Variants in ADGRL3 observed in about 807,000 individuals in gnomAD.
ADGRL3 encodes adhesion G protein-coupled receptor L3, also known as calcium-independent alpha-latrotoxin receptor 3.
Under a neutral mutation model 153.5 loss-of-function variants are expected in ADGRL3, and 62 were observed. The observed-to-expected ratio is 0.40, with a 90% CI of 0.33 to 0.50. The LOEUF is 0.50. ADGRL3 is among the 20% of genes least tolerant of loss of function. ADGRL3 has a pLI of 0.47. For synonymous variants in ADGRL3, 710 were observed against 672.5 expected, an observed-to-expected ratio of 1.06 and a Z score of -0.86; for missense variants, 1,641 against 1,859.4, an observed-to-expected ratio of 0.88 and a Z score of 2.16.
intron 1 of ADGRL3, among the ~76,000 whole-genome samples, chr4:61,342,825 A>G (rs968173121): frequency 2.0e-5 from 3 of 152,184 alleles, no homozygotes; most frequent in Admixed American, 1.3e-4. Context: ...CCACTCTGCC[A>G]TGATTTTCCT....
At chr4:61,344,205 AAAG>A (rs1404208916) in intron 1 of ADGRL3, among the ~76,000 whole-genome samples, 2 of 152,224 alleles carry the variant, frequency 1.3e-5, no homozygotes, top group Non-Finnish European at 1.5e-5. Context: ...GCTCAGTGAA[AAAG>A]AAGATTTCTT....
At chr4:61,869,583 C>A (rs542355688) in intron 9 of ADGRL3, among the ~76,000 whole-genome samples, 1 of 151,528 alleles carries the variant, frequency 6.6e-6, no homozygotes, top group East Asian at 2.0e-4. Flanking sequence ...CTGGCCTGGG[C>A]GACAGAGCGA....
intron 2 of ADGRL3, among the ~76,000 whole-genome samples, chr4:61,415,355 G>T (rs984852819): frequency 5.3e-5 from 8 of 151,924 alleles, no homozygotes; most frequent in Non-Finnish European, 1.2e-4. Context: ...ATTTTAGGAG[G>T]ATTTGTTTTC....
chr4:61,623,793 G>A (rs911324638), intron 5 of ADGRL3, among the ~76,000 whole-genome samples: 44 of 152,080 alleles, frequency 2.9e-4, no homozygotes, highest in Admixed American at 1.6e-3. Context: ...AAAGCTAACC[G>A]TGTTACATAA....
intron 1 of ADGRL3, among the ~76,000 whole-genome samples, chr4:61,333,559 C>A (rs17466134): frequency 0.69 from 104,160 of 151,936 alleles, 36,620 homozygotes; most frequent in East Asian, 0.96. Context: ...ATTACCAAAC[C>A]CTTTATAATA....
chr4:61,227,315 C>G (rs1748440735), intron 1 of ADGRL3, among the ~76,000 whole-genome samples: 1 of 152,118 alleles, frequency 6.6e-6, no homozygotes, highest in Non-Finnish European at 1.5e-5. Flanking sequence ...AAGCAATTCT[C>G]CCACCTCAGC....
Position 62,070,744 on chromosome 4 carries a change from A to T in ADGRL3, c.4468A>T (p.Lys1490Ter), listed in dbSNP as rs1293140886. The T allele has an allele frequency of 6.4e-7, 1 of 1,551,610 alleles. No homozygotes were observed. The highest frequency in any genetic ancestry group is 8.7e-7 in the Non-Finnish European group (1 of 1,146,966). Reference protein sequence around the residue: ...KCGDAEDVYYKSMPNLGSRNH... With the variant: ...KCGDAEDVYY ...TGGTGATGCCGAAGATGTTTACTAC[A>T]AAAGCATGCCAAACCTAGGCTCCAG... Residue 1490 changes from lysine to a stop codon, truncating the protein, a stop_gained, in exon 27 of 27, where the codon AAA becomes TAA. Transcript: ENST00000683033. LOFTEE classifies it high-confidence loss of function.
chr4:61,289,295 T>C (rs2094075818), intron 1 of ADGRL3, among the ~76,000 whole-genome samples: 1 of 152,046 alleles, frequency 6.6e-6, no homozygotes, highest in African/African-American at 2.4e-5. Context: ...TATTAGCCTT[T>C]CCTCTGAGTA....
intron 9 of ADGRL3, among the ~76,000 whole-genome samples, chr4:61,829,060 G>A (rs1417326995): frequency 6.6e-6 from 1 of 152,188 alleles, no homozygotes; most frequent in Non-Finnish European, 1.5e-5. Context: ...TAATAAACAT[G>A]TGTGGTACTT....
intron 6 of ADGRL3, among the ~76,000 whole-genome samples, chr4:61,728,118 ATT>A (rs1406724620): frequency 1.3e-5 from 2 of 152,064 alleles, no homozygotes; most frequent in African/African-American, 4.8e-5. Context: ...TGGGAATATG[ATT>A]TGTGTGCGCT....
intron 12 of ADGRL3, among the ~76,000 whole-genome samples, chr4:61,912,240 G>A (rs1049938226): frequency 2.6e-5 from 4 of 152,024 alleles, no homozygotes; most frequent in Admixed American, 1.3e-4. Context: ...AGAAGTTTTT[G>A]TATATATGAA....
At chr4:61,258,402 G>A (rs190259666) in intron 1 of ADGRL3, among the ~76,000 whole-genome samples, 1 of 152,266 alleles carries the variant, frequency 6.6e-6, no homozygotes, top group Admixed American at 6.5e-5. Context: ...GGTTCATGAA[G>A]CCTTAGGGCC....
intron 2 of ADGRL3, among the ~76,000 whole-genome samples, chr4:61,390,011 A>C (rs2096784126): frequency 1.3e-5 from 2 of 152,234 alleles, no homozygotes; most frequent in Non-Finnish European, 2.9e-5. Flanking sequence ...CAAAAATAAA[A>C]TTCATTTTTA....
intron 1 of ADGRL3, among the ~76,000 whole-genome samples, chr4:61,268,909 T>C (rs1194468399): frequency 2.6e-5 from 4 of 151,624 alleles, no homozygotes; most frequent in African/African-American, 9.7e-5. Context: ...AGTAATTGCG[T>C]CAACTCATTC....
rs754161693 is a variant in ADGRL3, at chr4:61,375,570, G to A, written c.-239-7554G>A. Among the ~76,000 whole-genome samples the A allele has an allele frequency of 1.3e-3, 197 of 152,214 alleles. 4 individuals carry two copies. The highest frequency in any genetic ancestry group is 6.8e-3 in the Middle Eastern group (2 of 294). ...TTTGGTATGTTTAACCAGTGTGAAA[G>A]GAAAGGAGATGGAGCAATGGTAGAG... is the stretch of plus-strand genomic sequence containing the variant. On this transcript the variant is annotated intron_variant, in intron 1 of 26. Transcript: ENST00000683033.
chr4:61,382,475 T>C (rs1318544988), intron 1 of ADGRL3, among the ~76,000 whole-genome samples: 1 of 151,726 alleles, frequency 6.6e-6, no homozygotes, highest in Non-Finnish European at 1.5e-5. Flanking sequence ...AAAAGTCTGT[T>C]TTATTATTTG....
At chr4:61,420,076 A>C (rs1216790458) in intron 2 of ADGRL3, among the ~76,000 whole-genome samples, 1 of 152,136 alleles carries the variant, frequency 6.6e-6, no homozygotes, top group African/African-American at 2.4e-5. Flanking sequence ...TGCTGAGATT[A>C]CAGGCGTGAG....
At chr4:61,694,811 A>T (rs1392435006) in intron 6 of ADGRL3, among the ~76,000 whole-genome samples, 4 of 152,222 alleles carry the variant, frequency 2.6e-5, no homozygotes, top group Admixed American at 2.0e-4. Context: ...TCAAACCCTG[A>T]TACTGCTTTA....
chr4:61,297,776 C>T (rs1478800190), intron 1 of ADGRL3, among the ~76,000 whole-genome samples: 2 of 151,638 alleles, frequency 1.3e-5, no homozygotes, highest in African/African-American at 4.9e-5. Flanking sequence ...TGGAATGTTA[C>T]TTAGTACCTA....
Sources: allele counts gnomAD v4.1 joint callset (sites outside exome capture counted in the v4.1 genomes callset), GRCh38; gene constraint gnomAD v4.1.1; transcripts MANE v1.5; gene names NCBI Gene and HGNC (gene_info 2026-07-23, HGNC 2026-07-21).